Variants in BBX observed in about 807,000 individuals in gnomAD.
BBX encodes the protein BBX high mobility group box domain containing.
BBX carries 30 observed loss-of-function variants against 100.2 expected under a neutral mutation model. That is an observed-to-expected ratio of 0.30 (90% CI 0.22 to 0.41). BBX has a LOEUF of 0.41. Ranked by LOEUF, BBX falls within the 10% of genes least tolerant of loss-of-function variation. The pLI is 1.00. For synonymous variants in BBX, 376 were observed against 388.1 expected (o/e 0.97, Z 0.37); for missense variants, 1,023 against 1,129.8 (o/e 0.91, Z 1.35).
intron 16 of BBX, among the ~76,000 whole-genome samples, chr3:107,799,888 T>C (rs1213425101): frequency 6.6e-6 from 1 of 152,128 alleles, no homozygotes; most frequent in Non-Finnish European, 1.5e-5. Context: ...GGCCGCAAAA[T>C]CTTGGAGTGC....
chr3:107,550,084 A>T (rs2049546111), intron 2 of BBX, among the ~76,000 whole-genome samples: 1 of 152,116 alleles, frequency 6.6e-6, no homozygotes, highest in African/African-American at 2.4e-5. Flanking sequence ...CATCTCCTGT[A>T]TTCTAGGCAC....
At chr3:107,647,904 A>G (rs1470961400) in intron 3 of BBX, among the ~76,000 whole-genome samples, 8 of 152,112 alleles carry the variant, frequency 5.3e-5, no homozygotes, top group African/African-American at 1.9e-4. Flanking sequence ...GGAAAGAGAA[A>G]AGTGATGGAA....
At position 107,615,594 on chromosome 3, in the gene BBX, A is replaced by AC. The variant is rs1440527242; in HGVS notation, c.-83-30240dup. Among the ~76,000 whole-genome samples the AC allele has an allele frequency of 2.0e-5, 3 of 152,228 alleles. No homozygotes were observed. The East Asian group carries it at 5.8e-4, about 29-fold the overall frequency. ...CAAAGGTTCAACTCCAAAAACCATA[A>AC]CCTTGGGGCCTAGGTTTTCAACCTG... is the stretch of plus-strand genomic sequence containing the variant. On this transcript the variant is annotated intron_variant, in intron 2 of 17. Transcript: ENST00000325805.
At chr3:107,778,994 C>CATATATATATATATATATATATAT (rs1286419462) in intron 13 of BBX, among the ~76,000 whole-genome samples, 27 of 68,174 alleles carry the variant, frequency 4.0e-4, no homozygotes, top group African/African-American at 1.3e-3. Context: ...CCTCCAGCAA[C>CATATATATATATATATATATATAT]ATATATATAT....
intron 3 of BBX, among the ~76,000 whole-genome samples, chr3:107,695,515 A>T (rs2060523050): frequency 7.1e-6 from 1 of 141,828 alleles, no homozygotes; most frequent in African/African-American, 2.8e-5. Flanking sequence ...TTTGAGTGAG[A>T]TTCTTAATCC....
intron 15 of BBX, among the ~76,000 whole-genome samples, chr3:107,797,485 C>T (rs562787881): frequency 6.6e-6 from 1 of 151,188 alleles, no homozygotes; most frequent in African/African-American, 2.4e-5. Flanking sequence ...AAAATAATTT[C>T]TATGTCTATC....
chr3:107,592,738 T>C (rs2053419865), intron 2 of BBX, among the ~76,000 whole-genome samples: 1 of 152,198 alleles, frequency 6.6e-6, no homozygotes, highest in South Asian at 2.1e-4. Flanking sequence ...CATCAAATAG[T>C]AATTGAATTT....
chr3:107,750,117 A>G (rs1434556617), intron 9 of BBX, among the ~76,000 whole-genome samples: 2 of 152,118 alleles, frequency 1.3e-5, no homozygotes, highest in African/African-American at 4.8e-5. Context: ...CTTGAATGAG[A>G]TTTGGTCCTT....
intron 3 of BBX, among the ~76,000 whole-genome samples, chr3:107,665,897 C>G (rs2058716419): frequency 6.6e-6 from 1 of 152,166 alleles, no homozygotes; most frequent in African/African-American, 2.4e-5. Flanking sequence ...GTGCTGAAGG[C>G]AAGTTGTTTC....
chr3:107,672,468 G>A (rs1312398563), intron 3 of BBX, among the ~76,000 whole-genome samples: 1 of 151,976 alleles, frequency 6.6e-6, no homozygotes, highest in African/African-American at 2.4e-5. Flanking sequence ...ACATTTTGTA[G>A]TTCAGGTAGA....
At chr3:107,743,386 C>G (rs2064276946) in intron 7 of BBX, among the ~76,000 whole-genome samples, 1 of 152,116 alleles carries the variant, frequency 6.6e-6, no homozygotes, top group African/African-American at 2.4e-5. Context: ...CATTTTGTGT[C>G]TCCTTGGTGG....
At chr3:107,696,544 C>G (rs1031917377) in intron 3 of BBX, among the ~76,000 whole-genome samples, 28 of 151,962 alleles carry the variant, frequency 1.8e-4, no homozygotes, top group East Asian at 9.6e-4. Flanking sequence ...CTTCTGGCTT[C>G]TAGAGTTTCT....
intron 8 of BBX, 90 bp from the exon 9 acceptor site, chr3:107,747,875 A>C (rs2064754628): frequency 2.0e-6 from 2 of 1,019,882 alleles, no homozygotes; most frequent in Non-Finnish European, 2.9e-6. Flanking sequence ...AATCTTTATC[A>C]GTGTCTACAG....
chr3:107,635,299 C>A (rs1418305743), intron 2 of BBX, among the ~76,000 whole-genome samples: 1 of 152,116 alleles, frequency 6.6e-6, no homozygotes, highest in Non-Finnish European at 1.5e-5. Flanking sequence ...CCAAATGAGT[C>A]CATGTTTTTA....
intron 5 of BBX, among the ~76,000 whole-genome samples, chr3:107,725,254 A>G (rs2062835343): frequency 1.3e-5 from 2 of 152,216 alleles, no homozygotes; most frequent in Admixed American, 1.3e-4. Flanking sequence ...TTGCACATTG[A>G]TTTTGTATCC....
intron 2 of BBX, among the ~76,000 whole-genome samples, chr3:107,603,747 C>T (rs969582832): frequency 2.0e-5 from 3 of 152,062 alleles, no homozygotes; most frequent in Non-Finnish European, 4.4e-5. Context: ...CTTGATCTGT[C>T]GGCAGCCATC....
rs1288968531 is a variant in BBX, at chr3:107,806,733, A to G, written c.*1276A>G. 7.2e-5 allele frequency: 11 copies of G among 152,250 alleles called. No individual in the cohort carries two copies. The highest frequency in any genetic ancestry group is 7.2e-4 in the Admixed American group (11 of 15,280). The allele number at this position is 152,250 out of a possible 1,614,324, so 9.4% of individuals were successfully genotyped here. A position where few individuals can be genotyped will look rare whatever the true frequency, so the allele number is the denominator to read the frequency against. ...TTCAACATATTGACTTAACCACCTG[A>G]CATTCACAGTGTCTTGTTTCCTAGC... On this transcript the variant is annotated 3_prime_UTR_variant, in exon 18 of 18. Transcript: ENST00000325805.
intron 3 of BBX, among the ~76,000 whole-genome samples, chr3:107,698,205 C>T (rs887204221): frequency 3.3e-5 from 5 of 151,804 alleles, no homozygotes; most frequent in Admixed American, 2.6e-4. Context: ...TCCTATTCGG[C>T]CATCTTGGCT....
intron 2 of BBX, among the ~76,000 whole-genome samples, chr3:107,532,275 A>G (rs2048213680): frequency 6.6e-6 from 1 of 152,156 alleles, no homozygotes; most frequent in African/African-American, 2.4e-5. Context: ...AGACAGATAA[A>G]TTATGCTGTG....
Sources: allele counts gnomAD v4.1 joint callset (sites outside exome capture counted in the v4.1 genomes callset), GRCh38; gene constraint gnomAD v4.1.1; transcripts MANE v1.5; gene names NCBI Gene and HGNC (gene_info 2026-07-23, HGNC 2026-07-21).